ARID5B: variants seen among roughly 807,000 people sequenced by gnomAD.
ARID5B encodes AT-rich interaction domain 5B, also known as AT-rich interactive domain-containing protein 5B.
ARID5B carries 13 observed loss-of-function variants against 97.2 expected under a neutral mutation model. The observed-to-expected ratio is 0.13, with a 90% CI of 0.09 to 0.21. The LOEUF is 0.21. ARID5B is among the 10% of genes least tolerant of loss of function. ARID5B has a pLI of 1.00. For missense variants in ARID5B, 1,210 were observed against 1,465.3 expected (o/e 0.83, Z 2.84); for synonymous variants, 556 against 570.3 (o/e 0.97, Z 0.36).
intron 8 of ARID5B, among the ~76,000 whole-genome samples, chr10:62,077,431 G>A (rs978461715): frequency 6.6e-6 from 1 of 152,132 alleles, no homozygotes; most frequent in African/African-American, 2.4e-5. Flanking sequence ...ATAGAAGTTA[G>A]AGTTTACACT....
intron 8 of ARID5B, among the ~76,000 whole-genome samples, chr10:62,076,268 G>T (rs1840132143): frequency 6.6e-6 from 1 of 152,160 alleles, no homozygotes; most frequent in Admixed American, 6.5e-5. Flanking sequence ...TGGTGGGCAT[G>T]GTGGCTCACG....
At chr10:62,037,411 A>AT (rs1418398041) in intron 4 of ARID5B, among the ~76,000 whole-genome samples, 1 of 152,236 alleles carries the variant, frequency 6.6e-6, no homozygotes, top group Non-Finnish European at 1.5e-5. Flanking sequence ...TCTTAGTCCC[A>AT]TATTTCCTCA....
intron 3 of ARID5B, among the ~76,000 whole-genome samples, chr10:61,956,810 T>C (rs1838397247): frequency 6.6e-6 from 1 of 152,222 alleles, no homozygotes; most frequent in African/African-American, 2.4e-5. Flanking sequence ...CACATAAAAA[T>C]GTAAGTAAAA....
Position 62,094,333 on chromosome 10 carries a change from G to C in ARID5B, c.*1303G>C, listed in dbSNP as rs1372543307. On this transcript the variant is annotated 3_prime_UTR_variant, in exon 10 of 10. Coordinates refer to ENST00000279873, the MANE Select transcript of ARID5B (RefSeq NM_032199.3). Reference sequence around the variant, plus strand: ...CTTTTGAGTGATAAGTAGTCATGTTGTTTTCATCCAGTTGGTTTCTTGTCA... The same window carrying C: ...CTTTTGAGTGATAAGTAGTCATGTTCTTTTCATCCAGTTGGTTTCTTGTCA... The C allele has an allele frequency of 4.3e-6, 1 of 230,478 alleles. No homozygotes were observed. The highest frequency in any genetic ancestry group is 6.2e-5 in the East Asian group (1 of 16,256). The allele number at this position is 230,478 out of a possible 1,614,324, so 14.3% of individuals were successfully genotyped here. A position where few individuals can be genotyped will look rare whatever the true frequency, so the allele number is the denominator to read the frequency against.
At chr10:61,995,300 T>C (rs987566959) in intron 3 of ARID5B, among the ~76,000 whole-genome samples, 4 of 152,208 alleles carry the variant, frequency 2.6e-5, no homozygotes, top group African/African-American at 9.6e-5. Context: ...ACAGCATTTA[T>C]TGGCAGCCCT....
At chr10:61,908,484 T>C (rs921579721) in intron 2 of ARID5B, among the ~76,000 whole-genome samples, 5 of 152,146 alleles carry the variant, frequency 3.3e-5, no homozygotes, top group African/African-American at 1.2e-4. Context: ...AAACCTACTG[T>C]GTGCTGGCAC....
chr10:61,992,940 G>A (rs1838946949), intron 3 of ARID5B, among the ~76,000 whole-genome samples: 1 of 152,160 alleles, frequency 6.6e-6, no homozygotes, highest in South Asian at 2.1e-4. Context: ...CAATACTGAT[G>A]TGTAATTTAC....
At chr10:62,019,298 TA>T (rs1391172227) in intron 4 of ARID5B, among the ~76,000 whole-genome samples, 1 of 152,246 alleles carries the variant, frequency 6.6e-6, no homozygotes. Context: ...AGCCTTCGTT[TA>T]AATTGCTATT....
chr10:61,935,881 T>C (rs1040376220), intron 2 of ARID5B, among the ~76,000 whole-genome samples: 1 of 152,234 alleles, frequency 6.6e-6, no homozygotes, highest in East Asian at 1.9e-4. Context: ...TCTAGCTTTA[T>C]ATAGAGAGCG....
At chr10:61,979,349 A>G (rs1422453331) in intron 3 of ARID5B, among the ~76,000 whole-genome samples, 1 of 152,228 alleles carries the variant, frequency 6.6e-6, no homozygotes, top group Non-Finnish European at 1.5e-5. Context: ...TTTAGACATC[A>G]TGGAATCCAA....
chr10:61,903,518 G>A (rs1843655750), intron 2 of ARID5B, among the ~76,000 whole-genome samples: 1 of 152,252 alleles, frequency 6.6e-6, no homozygotes, highest in Admixed American at 6.5e-5. Context: ...CAGCGGGGAG[G>A]GAGGGCGCAC....
intron 3 of ARID5B, among the ~76,000 whole-genome samples, chr10:61,994,841 AC>A (rs879469500): frequency 4.1e-4 from 63 of 152,330 alleles, no homozygotes; most frequent in Non-Finnish European, 7.9e-4. Context: ...TTAGGTATTA[AC>A]TTTTAATAGG....
At chr10:62,079,240 T>C (rs1463742063) in intron 8 of ARID5B, among the ~76,000 whole-genome samples, 1 of 151,866 alleles carries the variant, frequency 6.6e-6, no homozygotes, top group African/African-American at 2.4e-5. Context: ...GAGATGAAGA[T>C]AGCTGGACTA....
chr10:61,955,746 G>A (rs1838383562), intron 3 of ARID5B, among the ~76,000 whole-genome samples: 1 of 152,176 alleles, frequency 6.6e-6, no homozygotes, highest in Non-Finnish European at 1.5e-5. Context: ...CGGCTCCTGG[G>A]TTCAAGTGAT....
intron 8 of ARID5B, among the ~76,000 whole-genome samples, chr10:62,081,944 A>G (rs1840218804): frequency 6.6e-6 from 1 of 152,220 alleles, no homozygotes; most frequent in Non-Finnish European, 1.5e-5. Context: ...ATGCTAACAA[A>G]TCAAGGTTAT....
intron 4 of ARID5B, among the ~76,000 whole-genome samples, chr10:62,015,615 T>C (rs1839273590): frequency 6.6e-6 from 1 of 151,742 alleles, no homozygotes; most frequent in Non-Finnish European, 1.5e-5. Flanking sequence ...CGGTGTGAGG[T>C]TTTTTGTTGT....
chr10:62,039,126 A>T (rs1839602900), intron 4 of ARID5B, among the ~76,000 whole-genome samples: 1 of 152,228 alleles, frequency 6.6e-6, no homozygotes, highest in Non-Finnish European at 1.5e-5. Context: ...ATAATGTTGG[A>T]TGCTGAAATA....
intron 4 of ARID5B, among the ~76,000 whole-genome samples, chr10:62,016,491 G>A (rs1305155467): frequency 1.3e-5 from 2 of 152,172 alleles, no homozygotes; most frequent in East Asian, 1.9e-4. Context: ...GAACCAAACA[G>A]TGTATCTTAC....
intron 3 of ARID5B, among the ~76,000 whole-genome samples, chr10:61,970,630 T>C (rs894398448): frequency 6.6e-6 from 1 of 152,210 alleles, no homozygotes; most frequent in Admixed American, 6.5e-5. Context: ...AGGAGGTTGA[T>C]AGAAGCAATG....
Sources: allele counts gnomAD v4.1 joint callset (sites outside exome capture counted in the v4.1 genomes callset), GRCh38; gene constraint gnomAD v4.1.1; transcripts MANE v1.5; gene names NCBI Gene and HGNC (gene_info 2026-07-23, HGNC 2026-07-21).